FAM227B: variants seen among roughly 807,000 people sequenced by gnomAD.
The protein encoded by FAM227B is protein FAM227B.
FAM227B carries 88 observed loss-of-function variants against 73.8 expected under a neutral mutation model. That is an observed-to-expected ratio of 1.19 (90% CI 1.00 to 1.42). The LOEUF is 1.42. Among genes scored for constraint, FAM227B ranks in the 40% most tolerant of loss-of-function variants. FAM227B has a pLI of 0.00. For synonymous variants in FAM227B, 210 were observed against 190.5 expected (o/e 1.10, Z -0.84); for missense variants, 632 against 590.9 (o/e 1.07, Z -0.72).
chr15:49,620,707 A>G lies in FAM227B; in HGVS notation c.-80T>C, dbSNP rs1377330269. The stretch of plus-strand genomic sequence containing the variant: ...CATTTCTTCACAACTCACTGCAACT[A>G]CGCCTTGACAGTATGTTTCGAGAAC... On this transcript the variant is annotated 5_prime_UTR_variant, in exon 1 of 16. Coordinates refer to ENST00000299338, the MANE Select transcript of FAM227B (RefSeq NM_152647.3). The G allele has an allele frequency of 6.6e-6, 1 of 152,214 alleles. No homozygotes were observed. The highest frequency in any genetic ancestry group is 1.5e-5 in the Non-Finnish European group (1 of 68,038). 9.4% of individuals were successfully genotyped at this position (152,214 alleles called of 1,614,324 possible).
At chr15:49,378,437 T>C (rs993425802) in intron 11 of FAM227B, among the ~76,000 whole-genome samples, 2 of 152,162 alleles carry the variant, frequency 1.3e-5, no homozygotes, top group African/African-American at 4.8e-5. Context: ...TCTGTGAACA[T>C]TGAATATTTT....
intron 11 of FAM227B, among the ~76,000 whole-genome samples, chr15:49,379,170 T>C (rs2046361547): frequency 6.6e-6 from 1 of 152,194 alleles, no homozygotes; most frequent in African/African-American, 2.4e-5. Context: ...GAATAATCTT[T>C]CTAATGTATT....
chr15:49,330,232 T>TG (rs1442985639), intron 15 of FAM227B: 1 of 152,178 alleles, frequency 6.6e-6, no homozygotes, highest in Admixed American at 6.5e-5. Context: ...AGTGAAGGCT[T>TG]TGCTTTGGTA....
intron 13 of FAM227B, among the ~76,000 whole-genome samples, chr15:49,360,430 C>G (rs540747332): frequency 1.2e-4 from 18 of 152,228 alleles, no homozygotes; most frequent in Non-Finnish European, 2.1e-4. Context: ...CCCATACAGA[C>G]TACACCAACA....
chr15:49,608,014 A>G (rs1036452429), intron 3 of FAM227B, among the ~76,000 whole-genome samples: 1 of 152,186 alleles, frequency 6.6e-6, no homozygotes, highest in Non-Finnish European at 1.5e-5. Context: ...CTAGCAGCTA[A>G]CAGGCAGATT....
chr15:49,491,124 A>G (rs2057052030), intron 11 of FAM227B, among the ~76,000 whole-genome samples: 1 of 151,910 alleles, frequency 6.6e-6, no homozygotes, highest in Non-Finnish European at 1.5e-5. Context: ...AATATGGTAA[A>G]TCACCAACAC....
chr15:49,389,261 T>C (rs1010098261), intron 11 of FAM227B, among the ~76,000 whole-genome samples: 9 of 151,870 alleles, frequency 5.9e-5, no homozygotes, highest in African/African-American at 2.2e-4. Context: ...CAACTAATGA[T>C]GGGATAAAGA....
At chr15:49,448,372 T>G (rs748663646) in intron 11 of FAM227B, among the ~76,000 whole-genome samples, 1 of 151,664 alleles carries the variant, frequency 6.6e-6, no homozygotes, top group Non-Finnish European at 1.5e-5. Context: ...TTTTAATTCC[T>G]TTTCTCCATT....
chr15:49,368,631 G>A (rs1393245414), intron 12 of FAM227B, among the ~76,000 whole-genome samples: 1 of 152,092 alleles, frequency 6.6e-6, no homozygotes, highest in Non-Finnish European at 1.5e-5. Context: ...AATTCACATT[G>A]GGTTACGTAT....
At chr15:49,594,213 T>A (rs987751844) in intron 3 of FAM227B, among the ~76,000 whole-genome samples, 1 of 152,182 alleles carries the variant, frequency 6.6e-6, no homozygotes, top group Non-Finnish European at 1.5e-5. Context: ...TTTTTGGCCA[T>A]TTGTATATCT....
At chr15:49,542,186 A>C (rs1368962759) in intron 9 of FAM227B, among the ~76,000 whole-genome samples, 1 of 152,090 alleles carries the variant, frequency 6.6e-6, no homozygotes, top group Non-Finnish European at 1.5e-5. Flanking sequence ...ATATAGGTAA[A>C]TTGCATGTTA....
chr15:49,365,710 C>T, intron 13 of FAM227B: 1 of 905,972 alleles, frequency 1.1e-6, no homozygotes, highest in Non-Finnish European at 1.9e-6. Context: ...TAAATTCAGA[C>T]AGAAAGCAAT....
intron 11 of FAM227B, chr15:49,486,011 T>C (rs2056375860): frequency 1.3e-5 from 2 of 151,964 alleles, no homozygotes. Context: ...ATAACAGGAT[T>C]ATTACAAGGA....
At chr15:49,584,756 C>T (rs1033397928) in intron 5 of FAM227B, among the ~76,000 whole-genome samples, 59 of 152,226 alleles carry the variant, frequency 3.9e-4, no homozygotes, top group African/African-American at 1.3e-3. Flanking sequence ...ATCCCATTCA[C>T]GATTGCCACA....
rs535982423 is a variant in FAM227B, at chr15:49,445,735, T to G, written c.1012+62476A>C. Reference sequence around the variant, plus strand: ...TCAGATGATAATAGCTGTCCAGTTTTTAAAAACTGCAGGTATCTGTTTAAA... The same window carrying G: ...TCAGATGATAATAGCTGTCCAGTTTGTAAAAACTGCAGGTATCTGTTTAAA... On this transcript the variant is annotated intron_variant, in intron 11 of 15. Transcript: ENST00000299338. 9.0e-4 allele frequency among the ~76,000 whole-genome samples: 137 copies of G among 151,716 alleles called. 5 individuals carry two copies. The South Asian group carries it at 0.027, about 30-fold the overall frequency.
At chr15:49,545,779 C>A (rs569282125) in intron 9 of FAM227B, among the ~76,000 whole-genome samples, 7 of 152,168 alleles carry the variant, frequency 4.6e-5, no homozygotes, top group East Asian at 1.9e-4. Flanking sequence ...GATTATTTAA[C>A]TTCCATGTAT....
intron 3 of FAM227B, among the ~76,000 whole-genome samples, chr15:49,602,518 G>T (rs1428150265): frequency 6.6e-6 from 1 of 152,114 alleles, no homozygotes; most frequent in Non-Finnish European, 1.5e-5. Context: ...AGTTGCTTAA[G>T]CTCCTTATAT....
chr15:49,468,867 A>T lies in FAM227B; in HGVS notation c.1012+39344T>A, dbSNP rs79131261. Among the ~76,000 whole-genome samples, 1,310 of 152,248 alleles carry T rather than the reference A, an allele frequency of 8.6e-3. 32 individuals carry two copies. Among genetic ancestry groups the T allele is most frequent in the South Asian group, 0.067 (321 of 4,824 alleles). On this transcript the variant is annotated intron_variant, in intron 11 of 15. Transcript: ENST00000299338. ...AGCAGTCACTCTGCTTAACTGATGG[A>T]ACAAGTTTATTTCAACTTCAGTGCT...
intron 11 of FAM227B, chr15:49,487,654 T>TA (rs933382479): frequency 1.3e-5 from 2 of 151,862 alleles, no homozygotes; most frequent in African/African-American, 4.8e-5. Context: ...CAGTGCCCCT[T>TA]ACGATTTTCT....
Sources: gnomAD v4.1 joint callset for allele counts (sites outside exome capture counted in the v4.1 genomes callset) on GRCh38, gnomAD v4.1.1 for gene constraint, MANE v1.5 for transcripts, NCBI Gene and HGNC (gene_info 2026-07-23, HGNC 2026-07-21) for gene names.